The following GPR39 variants were observed in gnomAD, a reference collection of about 807,000 sequenced individuals.
The protein encoded by GPR39 is G protein-coupled receptor 39.
In GPR39, 23 loss-of-function variants were observed where a neutral mutation model predicts 18.4. The observed-to-expected ratio is 1.25, with a 90% CI of 0.90 to 1.77. The LOEUF is 1.77. Among genes scored for constraint, GPR39 ranks in the 40% most tolerant of loss-of-function variants. The pLI is 0.00. For synonymous variants in GPR39, 280 were observed against 257.9 expected (o/e 1.09, Z -0.82); for missense variants, 647 against 602.4 (o/e 1.07, Z -0.78).
intron 1 of GPR39, among the ~76,000 whole-genome samples, chr2:132,439,850 T>C (rs1390333576): frequency 1.3e-5 from 2 of 152,198 alleles, no homozygotes; most frequent in African/African-American, 4.8e-5. Flanking sequence ...TGCTGCTTGT[T>C]TTTTAAAGAA....
chr2:132,489,074 A>G (rs988760510), intron 1 of GPR39: 1 of 205,582 alleles, frequency 4.9e-6, no homozygotes, highest in Admixed American at 4.3e-5. Flanking sequence ...ACTTGCTGCC[A>G]GGGTCCTCCT....
At chr2:132,490,224 A>T (rs1000071876) in intron 1 of GPR39, among the ~76,000 whole-genome samples, 17 of 151,976 alleles carry the variant, frequency 1.1e-4, no homozygotes, top group Non-Finnish European at 1.9e-4. Flanking sequence ...TAATGCACAT[A>T]TACTTTTCTT....
At chr2:132,532,101 G>A (rs1414635704) in intron 1 of GPR39, among the ~76,000 whole-genome samples, 1 of 152,022 alleles carries the variant, frequency 6.6e-6, no homozygotes, top group Non-Finnish European at 1.5e-5. Flanking sequence ...TAGACCACTA[G>A]CAAGACTAAG....
rs184588672 is a variant in GPR39 at position 132,637,404 on chromosome 2, C to A, written c.857-7697C>A. On this transcript the variant is annotated intron_variant, in intron 1 of 1. Coordinates refer to ENST00000329321, the MANE Select transcript of GPR39 (RefSeq NM_001508.3). ...CCTCAACGTGGTGGATGGAGTTGCA[C>A]TGGGGAGAGAGTTCTTTCCTGGGCT... 7.9e-5 allele frequency among the ~76,000 whole-genome samples: 12 copies of A among 152,324 alleles called. No homozygotes were observed. In the East Asian group the frequency reaches 2.3e-3, roughly 29 times the overall value.
At chr2:132,487,850 T>C (rs1218948208) in intron 1 of GPR39, among the ~76,000 whole-genome samples, 1 of 151,890 alleles carries the variant, frequency 6.6e-6, no homozygotes, top group Non-Finnish European at 1.5e-5. Context: ...GGGAGAATAT[T>C]GGAAAAGAGG....
chr2:132,534,667 T>G (rs577031898), intron 1 of GPR39, among the ~76,000 whole-genome samples: 53 of 151,966 alleles, frequency 3.5e-4, no homozygotes, highest in African/African-American at 1.2e-3. Context: ...CCATAAAAAA[T>G]GATGAGTTCA....
intron 1 of GPR39, among the ~76,000 whole-genome samples, chr2:132,483,681 G>T (rs994097737): frequency 8.5e-5 from 13 of 152,126 alleles, no homozygotes; most frequent in African/African-American, 3.1e-4. Flanking sequence ...TTTTCAGTTT[G>T]TTCACCTATG....
At chr2:132,460,149 T>C (rs1384327278) in intron 1 of GPR39, among the ~76,000 whole-genome samples, 2 of 152,198 alleles carry the variant, frequency 1.3e-5, no homozygotes, top group African/African-American at 4.8e-5. Flanking sequence ...GCAATATGTC[T>C]CCTCATCTCT....
intron 1 of GPR39, among the ~76,000 whole-genome samples, chr2:132,496,044 A>G (rs980983320): frequency 2.0e-5 from 3 of 152,004 alleles, no homozygotes; most frequent in African/African-American, 4.8e-5. Context: ...CGGACTTCCA[A>G]TTTTCACCCC....
At chr2:132,596,215 G>GGGC (rs771069431) in intron 1 of GPR39, among the ~76,000 whole-genome samples, 1 of 152,070 alleles carries the variant, frequency 6.6e-6, no homozygotes, top group Non-Finnish European at 1.5e-5. Context: ...GCTGTTGTCT[G>GGGC]GGCTCTTTGG....
At chr2:132,555,494 T>TG (rs1402153841) in intron 1 of GPR39, among the ~76,000 whole-genome samples, 1 of 152,182 alleles carries the variant, frequency 6.6e-6, no homozygotes, top group Non-Finnish European at 1.5e-5. Flanking sequence ...AAGTTGGTGC[T>TG]GGGGCTACTG....
chr2:132,440,066 A>T (rs937021519), intron 1 of GPR39, among the ~76,000 whole-genome samples: 1 of 152,046 alleles, frequency 6.6e-6, no homozygotes, highest in Non-Finnish European at 1.5e-5. Flanking sequence ...AACCCTCCTA[A>T]CAAAGGTTTG....
chr2:132,633,017 C>T (rs921494423), intron 1 of GPR39, among the ~76,000 whole-genome samples: 5 of 152,144 alleles, frequency 3.3e-5, no homozygotes, highest in African/African-American at 4.8e-5. Context: ...TAGTCCTCAC[C>T]TCCCCACTGC....
Position 132,646,187 on chromosome 2 carries a change from G to C in GPR39, c.*581G>C, listed in dbSNP as rs1245720455. On this transcript the variant is annotated 3_prime_UTR_variant, in exon 2 of 2. Coordinates refer to ENST00000329321, the MANE Select transcript of GPR39 (RefSeq NM_001508.3). ...GGTGTTGCAGCAGCTGATGCAAACT[G>C]AGTTCAGTTTCCCTGGGGAGCAGAA... The C allele has an allele frequency of 6.2e-7, 1 of 1,609,980 alleles. No individual in the cohort carries two copies. Among genetic ancestry groups the C allele is most frequent in the Admixed American group, 1.7e-5 (1 of 59,512 alleles).
chr2:132,621,404 C>T (rs552277252), intron 1 of GPR39, among the ~76,000 whole-genome samples: 1 of 152,294 alleles, frequency 6.6e-6, no homozygotes, highest in African/African-American at 2.4e-5. Context: ...CTGCCAGTGC[C>T]CAAGGTCTCA....
intron 1 of GPR39, among the ~76,000 whole-genome samples, chr2:132,419,670 T>C (rs2104751717): frequency 6.6e-6 from 1 of 152,356 alleles, no homozygotes; most frequent in South Asian, 2.1e-4. Context: ...CCTTCCTCCA[T>C]AAATATTCCC....
At chr2:132,585,258 T>G (rs1680704758) in intron 1 of GPR39, among the ~76,000 whole-genome samples, 1 of 152,064 alleles carries the variant, frequency 6.6e-6, no homozygotes, top group Non-Finnish European at 1.5e-5. Flanking sequence ...AGCAGTCACA[T>G]TGCTGCCGTC....
At position 132,557,835 on chromosome 2, in the gene GPR39, C is replaced by A. The variant is rs554366378; in HGVS notation, c.857-87266C>A. On this transcript the variant is annotated intron_variant, in intron 1 of 1. Coordinates refer to ENST00000329321, the MANE Select transcript of GPR39 (RefSeq NM_001508.3). ...AGAGGATGTAACTTAGGTTTATCCG[C>A]GTTTCTCGTGACCTCCCCCATGCCG... is the stretch of plus-strand genomic sequence containing the variant. 3.3e-5 allele frequency among the ~76,000 whole-genome samples: 5 copies of A among 152,298 alleles called. No homozygotes were observed. The South Asian group carries it at 8.3e-4, about 25-fold the overall frequency.
chr2:132,548,078 G>A (rs1002560042), intron 1 of GPR39, among the ~76,000 whole-genome samples: 1 of 152,032 alleles, frequency 6.6e-6, no homozygotes, highest in East Asian at 1.9e-4. Flanking sequence ...ATTTAGTCCT[G>A]TTGTTCTTAA....
Sources: gnomAD v4.1 joint callset for allele counts (sites outside exome capture counted in the v4.1 genomes callset) on GRCh38, gnomAD v4.1.1 for gene constraint, MANE v1.5 for transcripts, NCBI Gene and HGNC (gene_info 2026-07-23, HGNC 2026-07-21) for gene names.